The following NUP98 variants were observed in gnomAD, a reference collection of about 807,000 sequenced individuals.
NUP98 encodes nuclear pore complex protein Nup98-Nup96.
A neutral mutation model predicts 191.9 loss-of-function variants in NUP98; 26 were observed. The ratio of observed to expected loss-of-function variants is 0.14; its 90% confidence interval spans 0.10 to 0.19. The LOEUF (loss-of-function observed/expected upper bound fraction) is 0.19. NUP98 is among the 10% of genes least tolerant of loss of function. The probability of loss-of-function intolerance (pLI) is 1.00; values close to 1 mark genes in which losing one functional copy is unlikely to be tolerated. For missense variants in NUP98, 1,941 were observed against 2,178.8 expected (o/e 0.89, Z 2.17); for synonymous variants, 808 against 778.4 (o/e 1.04, Z -0.63).
At chr11:3,682,214 T>G (rs2078002563) in intron 30 of NUP98, among the ~76,000 whole-genome samples, 1 of 152,200 alleles carries the variant, frequency 6.6e-6, no homozygotes, top group African/African-American at 2.4e-5. Context: ...ACAAAAACTT[T>G]CTCCGCATCA....
At chr11:3,736,007 T>C (rs2080041277) in intron 12 of NUP98, among the ~76,000 whole-genome samples, 1 of 150,356 alleles carries the variant, frequency 6.7e-6, no homozygotes, top group African/African-American at 2.5e-5. Context: ...GCTCAAGTGA[T>C]CCTCTAACCT....
At chr11:3,701,169 A>G (rs1428732464) in intron 23 of NUP98, among the ~76,000 whole-genome samples, 1 of 152,136 alleles carries the variant, frequency 6.6e-6, no homozygotes, top group African/African-American at 2.4e-5. Flanking sequence ...ATACTTGGGT[A>G]TCAAAAGTCA....
intron 16 of NUP98, among the ~76,000 whole-genome samples, chr11:3,722,716 T>C (rs1424209042): frequency 6.6e-6 from 1 of 151,942 alleles, no homozygotes; most frequent in Non-Finnish European, 1.5e-5. Context: ...CTCGGGTGGC[T>C]GAGATGAGAG....
chr11:3,756,922 T>C (rs1296768034), intron 10 of NUP98, among the ~76,000 whole-genome samples: 1 of 150,826 alleles, frequency 6.6e-6, no homozygotes, highest in Non-Finnish European at 1.5e-5. Flanking sequence ...CCCGTCTCTA[T>C]TAAGAATACA....
intron 1 of NUP98, among the ~76,000 whole-genome samples, chr11:3,789,501 C>CTTTTTTTTTTTTTTTT (rs914589009): frequency 4.9e-5 from 6 of 123,066 alleles, no homozygotes; most frequent in Non-Finnish European, 6.9e-5. Context: ...TTACCTATTT[C>CTTTTTTTTTTTTTTTT]TTTTTTTTTT....
chr11:3,762,265 A>T (rs1262179974), intron 9 of NUP98, among the ~76,000 whole-genome samples: 1 of 148,784 alleles, frequency 6.7e-6, no homozygotes, highest in Non-Finnish European at 1.5e-5. Flanking sequence ...ACCCACCACC[A>T]CACCCAGCTA....
At chr11:3,726,125 T>G (rs1462459990) in intron 14 of NUP98, among the ~76,000 whole-genome samples, 1 of 152,172 alleles carries the variant, frequency 6.6e-6, no homozygotes, top group Non-Finnish European at 1.5e-5. Flanking sequence ...AACAGTATAC[T>G]GGGCCATTAA....
Position 3,675,320 on chromosome 11 carries a change from G to A in NUP98, c.*839C>T. 4.6e-6 allele frequency: 1 copy of A among 218,898 alleles called. No homozygotes were observed. Among genetic ancestry groups the A allele is most frequent in the Non-Finnish European group, 9.2e-6 (1 of 108,760 alleles). The allele number at this position is 218,898 out of a possible 1,614,324, so 13.6% of individuals were successfully genotyped here. On this transcript the variant is annotated 3_prime_UTR_variant, in exon 33 of 33. Coordinates refer to ENST00000324932, the MANE Select transcript of NUP98 (RefSeq NM_016320.5). ...TTTGCTTCTGGAAGGGGTAGATGGA[G>A]GGTGGGAAATGCTTTGGAGCTAACA...
chr11:3,705,290 G>A lies in NUP98; in HGVS notation c.2992C>T (p.Arg998Cys), dbSNP rs766708803. Residue 998 changes from arginine (R) to cysteine (C), a missense_variant, in exon 22 of 33, where the codon CGC (arginine) becomes TGC (cysteine). By Grantham distance (180) the Arg-to-Cys change is radical. Coordinates refer to ENST00000324932, the MANE Select transcript of NUP98 (RefSeq NM_016320.5). Reference protein sequence around the residue: ...VDMALDQRFSRLPSKADTSQE... With the variant: ...VDMALDQRFSCLPSKADTSQE... ...GAAGTATCTGCTTTGGAAGGCAGGC[G>A]ACTGAAGCGTTGATCCAGTGCCATA... The A allele has an allele frequency of 1.3e-5, 21 of 1,613,932 alleles. No homozygotes were observed. Among genetic ancestry groups the A allele is most frequent in the Admixed American group, 3.3e-5 (2 of 59,988 alleles).
rs117048969 is a variant in NUP98 at position 3,681,322 on chromosome 11, C to T, written c.4919-1614G>A. Among the ~76,000 whole-genome samples the T allele has an allele frequency of 2.5e-4, 38 of 152,278 alleles. No homozygotes were observed. In the East Asian group the frequency reaches 7.1e-3, roughly 29 times the overall value. On this transcript the variant is annotated intron_variant, in intron 30 of 32. Coordinates refer to ENST00000324932, the MANE Select transcript of NUP98 (RefSeq NM_016320.5). ...TCCCAAAGTACTGGGATTACAGGTA[C>T]GAGCCACCGTGCCTGGCCTACAAAT...
intron 8 of NUP98, among the ~76,000 whole-genome samples, 166 bp from the exon 9 acceptor site, chr11:3,763,205 G>C (rs1255435750): frequency 6.6e-6 from 1 of 152,094 alleles, no homozygotes; most frequent in Non-Finnish European, 1.5e-5. Context: ...AAAGCAGGGA[G>C]TATATTTTTC....
Position 3,736,083 on chromosome 11 carries a change from T to TGC in NUP98, c.1409-760_1409-759insGC, listed in dbSNP as rs368829759. 2.1e-5 allele frequency among the ~76,000 whole-genome samples: 3 copies of TGC among 145,262 alleles called. No individual in the cohort carries two copies. The East Asian group carries it at 6.3e-4, about 31-fold the overall frequency. On this transcript the variant is annotated intron_variant, in intron 12 of 32. Transcript: ENST00000324932. ...CACCAACAACAGCTAATTTTGTGTG[T>TGC]GTGTGTGTGTGTGTGTTTTGTTTTT... is the stretch of plus-strand genomic sequence containing the variant.
intron 10 of NUP98, among the ~76,000 whole-genome samples, chr11:3,758,135 G>C (rs1398614449): frequency 6.6e-6 from 1 of 151,620 alleles, no homozygotes; most frequent in Non-Finnish European, 1.5e-5. Flanking sequence ...GGCTAACATG[G>C]AGAAACCCCG....
chr11:3,702,314 CTCTCTCTCTCT>C, intron 23 of NUP98, 138 bp downstream of exon 23: 1 of 72,660 alleles, frequency 1.4e-5, no homozygotes, highest in Admixed American at 1.7e-4. Flanking sequence ...CACACACACA[CTCTCTCTCTCT>C]CTCTCTCTCT....
At chr11:3,738,313 T>C (rs977193402) in intron 12 of NUP98, among the ~76,000 whole-genome samples, 11 of 152,122 alleles carry the variant, frequency 7.2e-5, no homozygotes, top group African/African-American at 2.7e-4. Context: ...TCAAAATAAT[T>C]TGAAAACTTT....
intron 29 of NUP98, among the ~76,000 whole-genome samples, chr11:3,684,955 C>A (rs1354659984): frequency 6.6e-6 from 1 of 152,150 alleles, no homozygotes; most frequent in Non-Finnish European, 1.5e-5. Context: ...AGAGCACAGA[C>A]TCTGGACGAA....
At chr11:3,724,707 C>T (rs1329061900) in intron 15 of NUP98, among the ~76,000 whole-genome samples, 2 of 145,352 alleles carry the variant, frequency 1.4e-5, no homozygotes, top group Non-Finnish European at 3.0e-5. Context: ...GCAGGAGAAT[C>T]GCTTGAGCAT....
intron 10 of NUP98, 123 bp downstream of exon 10, chr11:3,760,416 A>T (rs1376096640): frequency 7.2e-7 from 1 of 1,392,688 alleles, no homozygotes; most frequent in Non-Finnish European, 1.0e-6. Flanking sequence ...TTCCAATCAT[A>T]CGAATCAGGA....
chr11:3,677,574 A>G (rs1277821032), intron 31 of NUP98, among the ~76,000 whole-genome samples: 2 of 152,154 alleles, frequency 1.3e-5, no homozygotes, highest in Middle Eastern at 3.4e-3. Context: ...CTTAATCCCT[A>G]TACTTATCAA....
Sources: allele counts gnomAD v4.1 joint callset (sites outside exome capture counted in the v4.1 genomes callset), GRCh38; gene constraint gnomAD v4.1.1; transcripts MANE v1.5; gene names NCBI Gene and HGNC (gene_info 2026-07-23, HGNC 2026-07-21).